The following RELB variants were observed in gnomAD, a reference collection of about 807,000 sequenced individuals.
RELB encodes the protein transcription factor RelB.
Under a neutral mutation model 55.4 loss-of-function variants are expected in RELB, and 14 were observed. That is an observed-to-expected ratio of 0.25 (90% CI 0.17 to 0.40). RELB has a LOEUF of 0.40. Ranked by LOEUF, RELB falls within the 10% of genes least tolerant of loss-of-function variation. The probability of loss-of-function intolerance (pLI) is 1.00; values close to 1 mark genes in which losing one functional copy is unlikely to be tolerated. For missense variants in RELB, 669 were observed against 830.7 expected, an observed-to-expected ratio of 0.81 and a Z score of 2.39; for synonymous variants, 409 against 371.3, an observed-to-expected ratio of 1.10 and a Z score of -1.17.
chr19:45,024,353 G>A (rs1476983202), intron 5 of RELB, among the ~76,000 whole-genome samples: 1 of 150,774 alleles, frequency 6.6e-6, no homozygotes, highest in Non-Finnish European at 1.5e-5. Context: ...TAGTAGAGGC[G>A]GGGTTTCACC....
intron 8 of RELB, among the ~76,000 whole-genome samples, chr19:45,032,137 G>A (rs1004142695): frequency 5.9e-5 from 9 of 151,944 alleles, no homozygotes; most frequent in Non-Finnish European, 1.3e-4. Flanking sequence ...TCGGGAGACT[G>A]AGGCAGGAGA....
In RELB at chr19:45,002,933, T is replaced by G. The variant is rs751463537; in HGVS notation, c.107-16T>G. ...TGCCCCCCATCACCTCCTGAGACGT[T>G]TCTCCTTCTCTGCAGGGTCCCCCGA... On this transcript the variant is annotated splice_polypyrimidine_tract_variant and intron_variant, in intron 1 of 11. Transcript: ENST00000221452. 3.1e-6 allele frequency: 5 copies of G among 1,612,566 alleles called. No homozygotes were observed. The South Asian group carries it at 5.5e-5, about 18-fold the overall frequency.
intron 2 of RELB, among the ~76,000 whole-genome samples, chr19:45,006,174 C>T (rs559363062): frequency 5.3e-5 from 8 of 152,200 alleles, no homozygotes; most frequent in African/African-American, 1.9e-4. Flanking sequence ...GGTGGGGATA[C>T]GAGAACTAGT....
chr19:45,025,862 G>A (rs1600078191), intron 7 of RELB, 125 bp downstream of exon 7: 1 of 1,212,960 alleles, frequency 8.2e-7, no homozygotes, highest in East Asian at 2.4e-5. Context: ...ACTTTGGGAG[G>A]TCGAGGTGGG....
intron 4 of RELB, among the ~76,000 whole-genome samples, chr19:45,021,314 A>T (rs979485411): frequency 5.3e-5 from 8 of 151,818 alleles, no homozygotes; most frequent in African/African-American, 1.7e-4. Flanking sequence ...TCTACTAAAG[A>T]TAGAAAAAAA....
intron 7 of RELB, among the ~76,000 whole-genome samples, chr19:45,028,177 C>G (rs768490363): frequency 6.6e-6 from 1 of 151,986 alleles, no homozygotes; most frequent in Non-Finnish European, 1.5e-5. Flanking sequence ...AGCCATCATG[C>G]CTGGCAATTT....
At chr19:45,029,648 G>A (rs1368682351) in intron 8 of RELB, among the ~76,000 whole-genome samples, 1 of 151,898 alleles carries the variant, frequency 6.6e-6, no homozygotes, top group Non-Finnish European at 1.5e-5. Flanking sequence ...TCAGGAGTTC[G>A]ACACCAGCCT....
intron 3 of RELB, 119 bp from the exon 4 acceptor site, chr19:45,011,795 TGTGAGAGAGAGAGAGAGAGAGA>T (rs1422003951): frequency 1.5e-5 from 3 of 199,838 alleles, no homozygotes; most frequent in Non-Finnish European, 2.5e-5. Context: ...TGTGTGTGTG[TGTGAGAGAGAGAGAGAGAGAGA>T]GAGAGAGAGA....
rs561228784 is a variant in RELB at position 45,025,278 on chromosome 19, C to G, written c.663-51C>G. The G allele has an allele frequency of 1.6e-4, 215 of 1,344,806 alleles. 3 individuals are homozygous for G. In the South Asian group the frequency reaches 2.5e-3, roughly 16 times the overall value. The allele number at this position is 1,344,806 out of a possible 1,614,324, so 83.3% of individuals were successfully genotyped here. A position where few individuals can be genotyped will look rare whatever the true frequency, so the allele number is the denominator to read the frequency against. On this transcript the variant is annotated intron_variant, in intron 5 of 11. Transcript: ENST00000221452. ...CCAGAGCCCTCCTGCAGGTTAGGGC[C>G]ACACTTGCCTGCTCACGAGCACTCC...
At chr19:45,002,734 TGTGATGAAGG>T (rs1330362602) in intron 1 of RELB, among the ~76,000 whole-genome samples, 1 of 151,440 alleles carries the variant, frequency 6.6e-6, no homozygotes, top group Admixed American at 6.6e-5. Context: ...GGGCCCTGAG[TGTGATGAAGG>T]GTGGGGCGAA....
At chr19:45,025,531 C>A in intron 6 of RELB, 75 bp from the exon 7 acceptor site, 1 of 1,590,440 alleles carries the variant, frequency 6.3e-7, no homozygotes, top group Non-Finnish European at 8.6e-7. Flanking sequence ...CCAGCCCCAT[C>A]CCTTCCCCGT....
chr19:45,021,244 C>T (rs542256307), intron 4 of RELB, among the ~76,000 whole-genome samples: 9 of 151,992 alleles, frequency 5.9e-5, no homozygotes, highest in East Asian at 5.9e-4. Flanking sequence ...GAGGCCGAGG[C>T]GGGCGGATCA....
rs1971703155 is a variant in RELB, at chr19:45,037,436, A to G, written c.1386A>G (p.Pro462=). 1.3e-6 allele frequency: 2 copies of G among 1,598,268 alleles called. No individual in the cohort carries two copies. The highest frequency in any genetic ancestry group is 1.7e-6 in the Non-Finnish European group (2 of 1,175,816). The change falls in exon 12 of 12, where the codon CCA becomes CCG. Residue 462 remains proline (P), a synonymous_variant. Coordinates refer to ENST00000221452, the MANE Select transcript of RELB (RefSeq NM_006509.4). ...TCCTCCCGCCGTCAGCCCTGCTGCC[A>G]GACCCTGACTTCTTCTCTGGCACCG... ...GPFLPPSALL[P]DPDFFSGTVS... is the part of the protein sequence containing the mutation.
Position 45,012,200 on chromosome 19 carries a change from A to G in RELB, c.428A>G (p.Glu143Gly). 1 of 1,524,652 alleles carries G rather than the reference A, an allele frequency of 6.6e-7. No individual in the cohort carries two copies. Among genetic ancestry groups the G allele is most frequent in the Non-Finnish European group, 8.7e-7 (1 of 1,149,566 alleles). The allele number at this position is 1,524,652 out of a possible 1,614,324, so 94.4% of individuals were successfully genotyped here. ...PKQRGMRFRY[E>G]CEGRSAGSIL... is the part of the protein sequence containing the mutation. Reference sequence around the variant, plus strand: ...CAGCGCGGCATGCGCTTCCGCTACGAGTGCGAGGGCCGCTCGGCCGGCAGC... The same window carrying G: ...CAGCGCGGCATGCGCTTCCGCTACGGGTGCGAGGGCCGCTCGGCCGGCAGC... Residue 143 changes from glutamate to glycine, a missense_variant, in exon 4 of 12, where the codon GAG becomes GGG. Physicochemically the swap from Glu to Gly is moderately conservative, Grantham distance 98. This residue lies in a region of RELB where 323 missense variants were observed against 368.5 expected (regional missense o/e 0.88). Coordinates refer to ENST00000221452, the MANE Select transcript of RELB (RefSeq NM_006509.4).
Position 45,025,323 on chromosome 19 carries a change from C to G in RELB, c.663-6C>G. The G allele has an allele frequency of 1.2e-6, 2 of 1,606,878 alleles. No individual in the cohort carries two copies. Among genetic ancestry groups the G allele is most frequent in the Non-Finnish European group, 1.7e-6 (2 of 1,176,494 alleles). On this transcript the variant is annotated splice_region_variant and splice_polypyrimidine_tract_variant and intron_variant, in intron 5 of 11. Coordinates refer to ENST00000221452, the MANE Select transcript of RELB (RefSeq NM_006509.4). ...CACTCCTCTCCCTCCCCCGTCACCC[C>G]CTCAGTTTTAACAACCTGGGCATCC...
At chr19:45,001,713 G>C in intron 1 of RELB, 28 bp downstream of exon 1, 1 of 1,419,936 alleles carries the variant, frequency 7.0e-7, no homozygotes, top group African/African-American at 1.4e-5. Context: ...TCAGGAGAGG[G>C]GTCTGGGGCG....
rs1971361646 is a variant in RELB, at chr19:45,011,845, T to TGGAAAAC, written c.164-89_164-83dup. On this transcript the variant is annotated intron_variant, in intron 3 of 11. Transcript: ENST00000221452. ...GAGAGAGAGAGAGAGATAAATGGGATGGAAAACGTCTCGGGGGTAATCAAG... is the reference window on the plus strand; with the variant it reads ...GAGAGAGAGAGAGAGATAAATGGGATGGAAAACGGAAAACGTCTCGGGGGTAATCAAG... 1.3e-5 allele frequency: 7 copies of TGGAAAAC among 531,860 alleles called. No homozygotes were observed. The Admixed American group carries it at 3.2e-4, about 24-fold the overall frequency. 32.9% of individuals were successfully genotyped at this position (531,860 alleles called of 1,614,324 possible). A position where few individuals can be genotyped will look rare whatever the true frequency, so the allele number is the denominator to read the frequency against.
intron 2 of RELB, among the ~76,000 whole-genome samples, chr19:45,004,448 T>A (rs954622874): frequency 6.7e-6 from 1 of 148,354 alleles, no homozygotes; most frequent in Non-Finnish European, 1.5e-5. Flanking sequence ...GGTCTCGAAC[T>A]CCTGACCTCA....
intron 8 of RELB, 139 bp downstream of exon 8, chr19:45,029,131 CTT>C (rs1040661345): frequency 1.6e-6 from 1 of 633,124 alleles, no homozygotes; most frequent in African/African-American, 1.8e-5. Context: ...AGAACACTGT[CTT>C]TGCAGTCAGA....
Sources: allele counts gnomAD v4.1 joint callset (sites outside exome capture counted in the v4.1 genomes callset), GRCh38; gene constraint gnomAD v4.1.1; regional missense constraint gnomAD v4.1.1; transcripts MANE v1.5; gene names NCBI Gene and HGNC (gene_info 2026-07-23, HGNC 2026-07-21).